Variants in CASR observed in about 807,000 individuals in gnomAD.
CASR encodes the protein calcium sensing receptor.
A neutral mutation model predicts 69.1 loss-of-function variants in CASR; 23 were observed. The observed-to-expected ratio is 0.33, with a 90% CI of 0.24 to 0.47. The LOEUF is 0.47. CASR is among the 20% of genes least tolerant of loss of function. The pLI is 1.00. For synonymous variants in CASR, 541 were observed against 544.7 expected, an observed-to-expected ratio of 0.99 and a Z score of 0.10; for missense variants, 924 against 1,356.1, an observed-to-expected ratio of 0.68 and a Z score of 5.00.
intron 4 of CASR, among the ~76,000 whole-genome samples, chr3:122,273,564 G>C (rs1364828764): frequency 6.6e-6 from 1 of 152,120 alleles, no homozygotes; most frequent in Non-Finnish European, 1.5e-5. Context: ...CTATGATTAG[G>C]ATGAAACATT....
rs758227966 is a variant in CASR, at chr3:122,284,932, C to T, written c.2978C>T (p.Thr993Met). The change falls in exon 7 of 7, where the codon ACG (threonine) becomes ATG (methionine). Residue 993 changes from threonine to methionine, a missense_variant. Physicochemically the swap from Thr to Met is moderately conservative, Grantham distance 81 (BLOSUM62 -1). Transcript: ENST00000639785. Reference protein sequence around the residue: ...QKNAMAHRNSTHQNSLEAQKS... With the variant: ...QKNAMAHRNSMHQNSLEAQKS... ...AACGCCATGGCCCACAGGAATTCTACGCACCAGAACTCCCTGGAGGCCCAG... is the reference window on the plus strand; with the variant it reads ...AACGCCATGGCCCACAGGAATTCTATGCACCAGAACTCCCTGGAGGCCCAG... 9.3e-6 allele frequency: 15 copies of T among 1,614,066 alleles called. No individual in the cohort carries two copies. The highest frequency in any genetic ancestry group is 1.6e-4 in the Middle Eastern group (1 of 6,084).
chr3:122,223,711 C>A (rs1028513849), intron 1 of CASR, among the ~76,000 whole-genome samples: 2 of 152,072 alleles, frequency 1.3e-5, no homozygotes, highest in African/African-American at 4.8e-5. Context: ...ATCATTCTGA[C>A]ACCACAACCT....
intron 5 of CASR, among the ~76,000 whole-genome samples, chr3:122,278,810 G>A (rs2074852711): frequency 6.6e-6 from 1 of 152,202 alleles, no homozygotes; most frequent in Non-Finnish European, 1.5e-5. Context: ...TCAAGCCATT[G>A]TGTGACCTTC....
chr3:122,189,685 C>CT (rs2073821713), intron 1 of CASR, among the ~76,000 whole-genome samples: 1 of 152,180 alleles, frequency 6.6e-6, no homozygotes, highest in Admixed American at 6.5e-5. Flanking sequence ...AGTAATTTGA[C>CT]TTCTTCCTCC....
intron 1 of CASR, among the ~76,000 whole-genome samples, chr3:122,249,840 A>G (rs1388760108): frequency 6.6e-6 from 1 of 152,242 alleles, no homozygotes; most frequent in African/African-American, 2.4e-5. Context: ...AAAAATATAT[A>G]TAATAACAGT....
chr3:122,282,051 A>G (rs1446112632), intron 5 of CASR, 62 bp from the exon 6 acceptor site: 4 of 1,612,846 alleles, frequency 2.5e-6, no homozygotes, highest in Admixed American at 3.3e-5. Context: ...TTGAAGAGAC[A>G]GTAGGGCTGG....
chr3:122,200,900 A>G (rs897927148), intron 1 of CASR, among the ~76,000 whole-genome samples: 18 of 152,022 alleles, frequency 1.2e-4, no homozygotes, highest in Middle Eastern at 3.5e-3. Flanking sequence ...TGCGGTTTCA[A>G]TTCGATTACC....
At chr3:122,273,830 A>G (rs1024864321) in intron 4 of CASR, among the ~76,000 whole-genome samples, 20 of 152,298 alleles carry the variant, frequency 1.3e-4, no homozygotes, top group Non-Finnish European at 2.9e-4. Context: ...TCTGAGGGCA[A>G]GAAGGATGTG....
At chr3:122,199,578 C>CT (rs1206163790) in intron 1 of CASR, among the ~76,000 whole-genome samples, 5 of 152,194 alleles carry the variant, frequency 3.3e-5, no homozygotes, top group Admixed American at 3.3e-4. Flanking sequence ...GTTTATTTCT[C>CT]TTTTTTCTGT....
At chr3:122,230,299 AGGG>A (rs2074266745) in intron 1 of CASR, among the ~76,000 whole-genome samples, 5 of 152,240 alleles carry the variant, frequency 3.3e-5, no homozygotes, top group African/African-American at 4.8e-5. Flanking sequence ...ACCCAAGTCC[AGGG>A]AAAACGCTCC....
intron 1 of CASR, among the ~76,000 whole-genome samples, chr3:122,226,553 C>A (rs1478417873): frequency 6.6e-6 from 1 of 152,140 alleles, no homozygotes; most frequent in Non-Finnish European, 1.5e-5. Flanking sequence ...TTATCTGGCC[C>A]CACCCACATC....
intron 1 of CASR, among the ~76,000 whole-genome samples, chr3:122,217,006 G>C (rs539610174): frequency 6.6e-6 from 1 of 152,326 alleles, no homozygotes; most frequent in East Asian, 1.9e-4. Context: ...CCTCATCCAC[G>C]TGGAGCTGAC....
intron 1 of CASR, among the ~76,000 whole-genome samples, chr3:122,219,298 G>T (rs1464884484): frequency 6.6e-6 from 1 of 152,204 alleles, no homozygotes; most frequent in Admixed American, 6.5e-5. Context: ...GTGGATCAGG[G>T]AAAGAGAAAC....
chr3:122,273,734 A>G (rs1391392807), intron 4 of CASR, among the ~76,000 whole-genome samples: 1 of 152,232 alleles, frequency 6.6e-6, no homozygotes, highest in African/African-American at 2.4e-5. Context: ...TGGCCATGTC[A>G]GAAAGGCCCC....
intron 1 of CASR, among the ~76,000 whole-genome samples, chr3:122,223,615 A>G (rs1245364878): frequency 1.3e-5 from 2 of 152,178 alleles, no homozygotes; most frequent in Non-Finnish European, 2.9e-5. Flanking sequence ...ATTCTACCAC[A>G]TGTAAAATTA....
rs201536450 is a variant in CASR at position 122,275,944 on chromosome 3, G to T, written c.1510G>T (p.Val504Leu). The change falls in exon 5 of 7, where the codon GTG (valine) becomes TTG (leucine). Residue 504 changes from valine (V) to leucine (L), a missense_variant. Coordinates refer to ENST00000639785, the MANE Select transcript of CASR (RefSeq NM_000388.4). ...WHLSPEDGSI[V>L]FKEVGYYNVY... is the part of the protein sequence containing the mutation. ...CCTCTCCCCAGAGGATGGCTCCATC[G>T]TGTTTAAGGAAGTCGGGTATTACAA... 1 of 1,614,086 alleles carries T rather than the reference G, an allele frequency of 6.2e-7. No individual in the cohort carries two copies. Among genetic ancestry groups the T allele is most frequent in the Non-Finnish European group, 8.5e-7 (1 of 1,179,910 alleles).
intron 1 of CASR, among the ~76,000 whole-genome samples, chr3:122,191,827 A>G (rs1370422855): frequency 1.3e-5 from 2 of 152,230 alleles, no homozygotes; most frequent in African/African-American, 2.4e-5. Context: ...GGTGAAACAT[A>G]CAAATATTTT....
intron 1 of CASR, among the ~76,000 whole-genome samples, chr3:122,204,262 C>T (rs1035977325): frequency 1.3e-5 from 2 of 152,128 alleles, no homozygotes; most frequent in East Asian, 1.9e-4. Flanking sequence ...CTCTGGTGAC[C>T]ACTAGTCTCC....
At chr3:122,257,024 C>T (rs1000873141) in intron 2 of CASR, 57 bp from the exon 3 acceptor site, 1 of 1,486,378 alleles carries the variant, frequency 6.7e-7, no homozygotes, top group African/African-American at 1.4e-5. Flanking sequence ...CAGGTCTTTA[C>T]TCTAAAGTCG....
Sources: allele counts gnomAD v4.1 joint callset (sites outside exome capture counted in the v4.1 genomes callset), GRCh38; gene constraint gnomAD v4.1.1; transcripts MANE v1.5; gene names NCBI Gene and HGNC (gene_info 2026-07-23, HGNC 2026-07-21).